CDKAL1: variants seen among roughly 807,000 people sequenced by gnomAD.
CDKAL1 encodes CDKAL1 threonylcarbamoyladenosine tRNA methylthiotransferase.
Under a neutral mutation model 68.2 loss-of-function variants are expected in CDKAL1, and 32 were observed. That is an observed-to-expected ratio of 0.47 (90% CI 0.35 to 0.63). The LOEUF (loss-of-function observed/expected upper bound fraction) is 0.63. Ranked by LOEUF, CDKAL1 falls within the 30% of genes least tolerant of loss-of-function variation. The probability of loss-of-function intolerance (pLI) is 0.00; values close to 1 mark genes in which losing one functional copy is unlikely to be tolerated. For missense variants in CDKAL1, 606 were observed against 696.7 expected (o/e 0.87, Z 1.47); for synonymous variants, 234 against 244.3 (o/e 0.96, Z 0.39).
chr6:21,109,136 C>T (rs1349268763), intron 13 of CDKAL1, among the ~76,000 whole-genome samples: 1 of 152,020 alleles, frequency 6.6e-6, no homozygotes, highest in Non-Finnish European at 1.5e-5. Context: ...AAATATGTAG[C>T]CATTTTTAAG....
chr6:20,567,269 C>T lies in CDKAL1; in HGVS notation c.286+18564C>T, dbSNP rs112615581. Among the ~76,000 whole-genome samples, 712 of 149,824 alleles carry T rather than the reference C, an allele frequency of 4.8e-3. 3 individuals are homozygous for T. Among genetic ancestry groups the T allele is most frequent in the Non-Finnish European group, 6.7e-3 (454 of 67,548 alleles). On this transcript the variant is annotated intron_variant, in intron 4 of 15. Coordinates refer to ENST00000274695, the MANE Select transcript of CDKAL1 (RefSeq NM_017774.3). ...TTTGCACCAGCCTGTATTTCACAAA[C>T]GTCTCTGTGCCTGTGATTACTTCTC...
intron 15 of CDKAL1, among the ~76,000 whole-genome samples, chr6:21,202,582 GT>G (rs1778736064): frequency 6.6e-6 from 1 of 152,078 alleles, no homozygotes; most frequent in African/African-American, 2.4e-5. Flanking sequence ...GTTTTACAAG[GT>G]TAATTTTAGA....
chr6:20,989,651 T>C (rs549760393), intron 10 of CDKAL1, among the ~76,000 whole-genome samples: 1 of 152,344 alleles, frequency 6.6e-6, no homozygotes, highest in African/African-American at 2.4e-5. Flanking sequence ...TGTTGGTGTG[T>C]AGCAGTCTTT....
chr6:21,077,525 C>T (rs1772137047), intron 12 of CDKAL1, among the ~76,000 whole-genome samples: 1 of 152,212 alleles, frequency 6.6e-6, no homozygotes, highest in Non-Finnish European at 1.5e-5. Flanking sequence ...GCTTTACAGG[C>T]TTCTGCTTTT....
rs946687778 is a variant in CDKAL1, at chr6:21,044,542, G to A, written c.1056-20506G>A. ...GTTCATAGCCCAAAACCCTTTCACAGATGCCAAAATTGTTATTAATAATGA... is the reference window on the plus strand; with the variant it reads ...GTTCATAGCCCAAAACCCTTTCACAAATGCCAAAATTGTTATTAATAATGA... On this transcript the variant is annotated intron_variant, in intron 11 of 15. Coordinates refer to ENST00000274695, the MANE Select transcript of CDKAL1 (RefSeq NM_017774.3). 3.3e-5 allele frequency among the ~76,000 whole-genome samples: 5 copies of A among 152,214 alleles called. No homozygotes were observed. The East Asian group carries it at 9.6e-4, about 29-fold the overall frequency.
At chr6:20,876,467 T>C (rs571101727) in intron 9 of CDKAL1, among the ~76,000 whole-genome samples, 2 of 152,244 alleles carry the variant, frequency 1.3e-5, no homozygotes, top group Admixed American at 6.5e-5. Flanking sequence ...TTGTCTCTTA[T>C]GTAGTGGACA....
intron 5 of CDKAL1, among the ~76,000 whole-genome samples, chr6:20,713,635 T>G (rs1433827089): frequency 6.6e-6 from 1 of 152,180 alleles, no homozygotes; most frequent in Non-Finnish European, 1.5e-5. Context: ...GAACTAGAAT[T>G]CATACACTGT....
chr6:20,800,989 C>T (rs1442739585), intron 8 of CDKAL1, among the ~76,000 whole-genome samples: 1 of 152,184 alleles, frequency 6.6e-6, no homozygotes, highest in Non-Finnish European at 1.5e-5. Context: ...GCTTTCAAGG[C>T]TCACTGCAGG....
intron 13 of CDKAL1, among the ~76,000 whole-genome samples, chr6:21,125,683 A>AAAACAAAC (rs1044585031): frequency 2.0e-4 from 30 of 152,280 alleles, no homozygotes; most frequent in African/African-American, 7.2e-4. Flanking sequence ...CCATCTCAAA[A>AAAACAAAC]AAACAAACAA....
chr6:20,817,304 T>C (rs1243591696), intron 8 of CDKAL1, among the ~76,000 whole-genome samples: 1 of 152,140 alleles, frequency 6.6e-6, no homozygotes, highest in Non-Finnish European at 1.5e-5. Flanking sequence ...TTTAAAAAAA[T>C]TGAAGTGGAA....
chr6:20,873,362 T>G (rs1012703636), intron 9 of CDKAL1, among the ~76,000 whole-genome samples: 3 of 152,212 alleles, frequency 2.0e-5, no homozygotes, highest in African/African-American at 7.2e-5. Flanking sequence ...TATGCATTTA[T>G]AAACTCTCAG....
intron 9 of CDKAL1, among the ~76,000 whole-genome samples, chr6:20,847,469 T>G (rs1778418283): frequency 1.3e-5 from 2 of 152,230 alleles, no homozygotes; most frequent in Admixed American, 6.5e-5. Context: ...AGATGATCTA[T>G]CTACCAAACA....
At chr6:21,076,265 A>G (rs1031803472) in intron 12 of CDKAL1, among the ~76,000 whole-genome samples, 1 of 152,204 alleles carries the variant, frequency 6.6e-6, no homozygotes, top group Admixed American at 6.6e-5. Flanking sequence ...CAGATATTGA[A>G]TAAAGAATAT....
At chr6:20,955,898 C>T (rs559820516) in intron 10 of CDKAL1, among the ~76,000 whole-genome samples, 6 of 152,238 alleles carry the variant, frequency 3.9e-5, no homozygotes, top group East Asian at 3.9e-4. Flanking sequence ...CCATTTTGAC[C>T]GCTCGTCTGA....
At chr6:20,706,989 G>A (rs956855064) in intron 5 of CDKAL1, among the ~76,000 whole-genome samples, 1 of 152,108 alleles carries the variant, frequency 6.6e-6, no homozygotes. Flanking sequence ...ATTACTTCTG[G>A]GACCTGGGAG....
intron 9 of CDKAL1, among the ~76,000 whole-genome samples, chr6:20,848,928 G>A (rs976124411): frequency 3.3e-5 from 5 of 151,954 alleles, no homozygotes; most frequent in African/African-American, 7.2e-5. Context: ...CAGTAGTGGC[G>A]ACTATAGCCA....
At chr6:21,161,304 A>T (rs1429875471) in intron 13 of CDKAL1, among the ~76,000 whole-genome samples, 1 of 152,212 alleles carries the variant, frequency 6.6e-6, no homozygotes, top group African/African-American at 2.4e-5. Context: ...GTATTTTTCA[A>T]TACAGCACCA....
chr6:20,587,288 CCTT>C (rs1192482395), intron 4 of CDKAL1, among the ~76,000 whole-genome samples: 1 of 151,944 alleles, frequency 6.6e-6, no homozygotes, highest in Admixed American at 6.6e-5. Flanking sequence ...CGCCTGGCCT[CCTT>C]CTTTTCATTT....
chr6:20,737,356 C>T (rs554850457), intron 5 of CDKAL1, among the ~76,000 whole-genome samples: 1 of 152,304 alleles, frequency 6.6e-6, no homozygotes, highest in Admixed American at 6.5e-5. Context: ...AAACCATAAG[C>T]TTGTTGAGTG....
Sources: allele counts gnomAD v4.1 joint callset (sites outside exome capture counted in the v4.1 genomes callset), GRCh38; gene constraint gnomAD v4.1.1; transcripts MANE v1.5; gene names NCBI Gene and HGNC (gene_info 2026-07-23, HGNC 2026-07-21).